The following CERS6 variants were observed in gnomAD, a reference collection of about 807,000 sequenced individuals.
The protein encoded by CERS6 is ceramide synthase 6, also known as LAG1 homolog, ceramide synthase 6.
Under a neutral mutation model 56.8 loss-of-function variants are expected in CERS6, and 26 were observed. The ratio of observed to expected loss-of-function variants is 0.46; its 90% CI spans 0.34 to 0.63. The LOEUF (loss-of-function observed/expected upper bound fraction) is 0.63. Ranked by LOEUF, CERS6 falls within the 30% of genes least tolerant of loss-of-function variation. The pLI is 0.01. For synonymous variants in CERS6, 164 were observed against 173.3 expected, an observed-to-expected ratio of 0.95 and a Z score of 0.42; for missense variants, 415 against 467.5, an observed-to-expected ratio of 0.89 and a Z score of 1.04.
chr2:168,680,548 T>C (rs1686186830), intron 4 of CERS6, among the ~76,000 whole-genome samples: 1 of 151,996 alleles, frequency 6.6e-6, no homozygotes, highest in African/African-American at 2.4e-5. Context: ...TCATGGAGCC[T>C]TCCCCTCCCA....
intron 1 of CERS6, among the ~76,000 whole-genome samples, chr2:168,516,552 T>C (rs1253870826): frequency 6.6e-6 from 1 of 152,192 alleles, no homozygotes; most frequent in Admixed American, 6.5e-5. Flanking sequence ...AGTGCCTTCA[T>C]TGATAAAATG....
intron 6 of CERS6, among the ~76,000 whole-genome samples, 153 bp from the exon 7 acceptor site, chr2:168,714,848 C>T (rs1574184763): frequency 1.3e-5 from 2 of 152,266 alleles, no homozygotes; most frequent in East Asian, 3.9e-4. Context: ...TGATGGACTC[C>T]TGGAGGATAA....
Position 168,456,466 on chromosome 2 carries a change from C to T in CERS6, c.18C>T (p.Ala6=). 3 of 1,613,766 alleles carry T rather than the reference C, an allele frequency of 1.9e-6. No homozygotes were observed. The South Asian group carries it at 3.3e-5, about 18-fold the overall frequency. Residue 6 remains alanine, a synonymous_variant, in exon 1 of 10, where the codon GCC becomes GCT. Coordinates refer to ENST00000305747, the MANE Select transcript of CERS6 (RefSeq NM_203463.3). This position sits in a 1 kb window ranked among gnomAD's most constrained non-coding sequence, Gnocchi z 4.1. The stretch of plus-strand genomic sequence containing the variant: ...AAAGCAAGATGGCAGGGATCTTAGC[C>T]TGGTTCTGGAACGAGAGGTTTTGGC... MAGIL[A]WFWNERFWLP...
At chr2:168,513,724 G>A (rs1694836867) in intron 1 of CERS6, among the ~76,000 whole-genome samples, 1 of 152,130 alleles carries the variant, frequency 6.6e-6, no homozygotes, top group Non-Finnish European at 1.5e-5. Context: ...TACAGTCTTT[G>A]GGAAGAAATC....
At chr2:168,576,291 A>G (rs1434564041) in intron 3 of CERS6, among the ~76,000 whole-genome samples, 1 of 152,108 alleles carries the variant, frequency 6.6e-6, no homozygotes, top group African/African-American at 2.4e-5. Context: ...TGCAGACTGT[A>G]AATTCCTTCA....
At chr2:168,521,586 C>T (rs1307392373) in intron 1 of CERS6, among the ~76,000 whole-genome samples, 2 of 152,132 alleles carry the variant, frequency 1.3e-5, no homozygotes, top group Admixed American at 1.3e-4. Context: ...AATGCAGCTT[C>T]TAGGGTGCAT....
At chr2:168,752,279 A>ATGTGTGTGTGTGTGTGTG (rs397870530) in intron 8 of CERS6, among the ~76,000 whole-genome samples, 13 of 132,630 alleles carry the variant, frequency 9.8e-5, no homozygotes, top group Non-Finnish European at 9.5e-5. Flanking sequence ...AAAAAAATAA[A>ATGTGTGTGTGTGTGTGTG]TGTGTGTGTG....
chr2:168,504,992 T>C (rs1694650458), intron 1 of CERS6, among the ~76,000 whole-genome samples: 1 of 152,034 alleles, frequency 6.6e-6, no homozygotes, highest in Non-Finnish European at 1.5e-5. Context: ...ACTGAGTAAT[T>C]AGTGACAGAC....
chr2:168,660,371 A>G (rs13391857), intron 4 of CERS6, among the ~76,000 whole-genome samples: 26,653 of 152,184 alleles, frequency 0.18, 2,457 homozygotes, highest in Non-Finnish European at 0.21. Flanking sequence ...CTAATGAGGC[A>G]TTGTTTTTTC....
chr2:168,504,471 G>A lies in CERS6; in HGVS notation c.171-43125G>A, dbSNP rs536549039. On this transcript the variant is annotated intron_variant, in intron 1 of 9. Transcript: ENST00000305747. ...AGCTTGTAAAATGTGAGAAAAACAA[G>A]TGAGGCAATCTGTATCCCTGGAGAA... Among the ~76,000 whole-genome samples, 7 of 152,282 alleles carry A rather than the reference G, an allele frequency of 4.6e-5. No individual in the cohort carries two copies. The South Asian group carries it at 1.0e-3, about 23-fold the overall frequency.
chr2:168,588,438 A>T (rs954196083), intron 3 of CERS6, among the ~76,000 whole-genome samples: 1 of 152,082 alleles, frequency 6.6e-6, no homozygotes. Context: ...CAGATCCCTC[A>T]TAACCCCCAC....
rs1233504152 is a variant in CERS6, at chr2:168,500,691, C to T, written c.170+44073C>T. 2.6e-5 allele frequency among the ~76,000 whole-genome samples: 4 copies of T among 152,024 alleles called. No individual in the cohort carries two copies. In the East Asian group the frequency reaches 7.7e-4, roughly 29 times the overall value. On this transcript the variant is annotated intron_variant, in intron 1 of 9. Transcript: ENST00000305747. ...AAAGAATTCAAACCAAAGGAGAAACCACAGGTTCCATACAATCTCAAGGGA... is the reference window on the plus strand; with the variant it reads ...AAAGAATTCAAACCAAAGGAGAAACTACAGGTTCCATACAATCTCAAGGGA...
chr2:168,532,190 T>C (rs1241265697), intron 1 of CERS6, among the ~76,000 whole-genome samples: 1 of 152,164 alleles, frequency 6.6e-6, no homozygotes. Context: ...CTACTCTGCA[T>C]GCCATCCTCC....
chr2:168,518,199 T>C (rs1312532978), intron 1 of CERS6, among the ~76,000 whole-genome samples: 3 of 152,252 alleles, frequency 2.0e-5, no homozygotes, highest in Non-Finnish European at 4.4e-5. Flanking sequence ...GAGCTGGCTC[T>C]ACTACACAAC....
intron 8 of CERS6, among the ~76,000 whole-genome samples, chr2:168,748,444 T>C (rs1488606883): frequency 2.0e-5 from 3 of 152,196 alleles, no homozygotes; most frequent in Admixed American, 6.5e-5. Flanking sequence ...CTTTTGAGTA[T>C]TGGAAAAATA....
intron 8 of CERS6, among the ~76,000 whole-genome samples, chr2:168,745,812 G>A (rs1351203310): frequency 6.6e-6 from 1 of 152,168 alleles, no homozygotes; most frequent in Admixed American, 6.5e-5. Flanking sequence ...GGGAGAGTGG[G>A]CGTCCCCAGC....
At chr2:168,640,976 G>A (rs556381366) in intron 4 of CERS6, among the ~76,000 whole-genome samples, 48 of 152,204 alleles carry the variant, frequency 3.2e-4, no homozygotes, top group African/African-American at 1.1e-3. Flanking sequence ...TGACTGAGTG[G>A]AGTTGGGAAC....
At chr2:168,583,147 T>C (rs573377262) in intron 3 of CERS6, 1 of 152,474 alleles carries the variant, frequency 6.6e-6, no homozygotes, top group Non-Finnish European at 1.5e-5. Context: ...AGAAAATCGC[T>C]CTTATAGGAC....
At chr2:168,737,731 A>T (rs1244643209) in intron 8 of CERS6, among the ~76,000 whole-genome samples, 1 of 152,254 alleles carries the variant, frequency 6.6e-6, no homozygotes, top group Non-Finnish European at 1.5e-5. Flanking sequence ...GCATTCAGGG[A>T]ATGAGCAGTT....
Sources: allele counts gnomAD v4.1 joint callset (sites outside exome capture counted in the v4.1 genomes callset), GRCh38; gene constraint gnomAD v4.1.1; non-coding constraint Gnocchi (gnomAD v3.1); transcripts MANE v1.5; gene names NCBI Gene and HGNC (gene_info 2026-07-23, HGNC 2026-07-21).